The following HDAC10 variants were observed in gnomAD, a reference collection of about 807,000 sequenced individuals.
HDAC10 encodes the protein histone deacetylase 10.
In HDAC10, 90 loss-of-function variants were observed where a neutral mutation model predicts 82.3. The ratio of observed to expected loss-of-function variants is 1.09; its 90% CI spans 0.92 to 1.30. The LOEUF (loss-of-function observed/expected upper bound fraction) is 1.30. Among genes scored for constraint, HDAC10 ranks in the 50% most tolerant of loss-of-function variants. The probability of loss-of-function intolerance (pLI) is 0.00; values close to 1 mark genes in which losing one functional copy is unlikely to be tolerated. For missense variants in HDAC10, 934 were observed against 876.3 expected (o/e 1.07, Z -0.83); for synonymous variants, 456 against 391.7 (o/e 1.16, Z -1.94).
In HDAC10 at chr22:50,249,008, C is replaced by T; in HGVS notation, c.756+95G>A. On this transcript the variant is annotated intron_variant, in intron 8 of 19. Coordinates refer to ENST00000216271, the MANE Select transcript of HDAC10 (RefSeq NM_032019.6). This position sits in a 1 kb window ranked among gnomAD's most constrained non-coding sequence, Gnocchi z 4.4. The stretch of plus-strand genomic sequence containing the variant: ...CTTCCCCAGCCACACAGGAGTGGGA[C>T]AGCTCATAACCCTCCTCCTGCCTTC... The T allele has an allele frequency of 7.0e-7, 1 of 1,429,836 alleles. No individual in the cohort carries two copies. The highest frequency in any genetic ancestry group is 9.7e-7 in the Non-Finnish European group (1 of 1,034,950). 88.6% of individuals were successfully genotyped at this position (1,429,836 alleles called of 1,614,324 possible). A position where few individuals can be genotyped will look rare whatever the true frequency, so the allele number is the denominator to read the frequency against.
At position 50,246,674 on chromosome 22, in the gene HDAC10, C is replaced by A; in HGVS notation, c.1571+5G>T. ...CTGGACATATGCAAGACCTGAGAGT[C>A]CTACCCGTCATGGGCGAGGTCTGGA... On this transcript the variant is annotated splice_donor_5th_base_variant and intron_variant, in intron 16 of 19. Coordinates refer to ENST00000216271, the MANE Select transcript of HDAC10 (RefSeq NM_032019.6). 1 of 1,611,176 alleles carries A rather than the reference C, an allele frequency of 6.2e-7. No individual in the cohort carries two copies. Among genetic ancestry groups the A allele is most frequent in the African/African-American group, 1.3e-5 (1 of 74,984 alleles).
chr22:50,250,662 G>C, intron 2 of HDAC10, 109 bp downstream of exon 2: 1 of 1,347,354 alleles, frequency 7.4e-7, no homozygotes, highest in Non-Finnish European at 1.0e-6. Flanking sequence ...GGTGCATAGG[G>C]AGAGGCTCTG....
chr22:50,246,286 A>C lies in HDAC10; in HGVS notation c.1650+12T>G. ...CCCAGCACCTGCCTTGCCGCGTGGCATGGTCACTCACCACTGGCAGTGGCG... is the reference window on the plus strand; with the variant it reads ...CCCAGCACCTGCCTTGCCGCGTGGCCTGGTCACTCACCACTGGCAGTGGCG... On this transcript the variant is annotated intron_variant, in intron 17 of 19. Coordinates refer to ENST00000216271, the MANE Select transcript of HDAC10 (RefSeq NM_032019.6). The C allele has an allele frequency of 1.2e-6, 2 of 1,611,092 alleles. No individual in the cohort carries two copies. The highest frequency in any genetic ancestry group is 3.3e-5 in the Admixed American group (2 of 60,012).
In HDAC10 at chr22:50,246,326, A is replaced by C; in HGVS notation, c.1622T>G (p.Met541Arg). 1.2e-6 allele frequency: 2 copies of C among 1,613,126 alleles called. No homozygotes were observed. Among genetic ancestry groups the C allele is most frequent in the Non-Finnish European group, 1.7e-6 (2 of 1,179,958 alleles). Residue 541 changes from methionine to arginine, a missense_variant, in exon 17 of 20, where the codon ATG (methionine) becomes AGG (arginine). Met to Arg is a moderately conservative substitution (Grantham distance 91). Transcript: ENST00000216271. The part of the protein sequence containing the change: ...IRGKEAAALS[M>R]FHVSTPLPVM... ...TGGCAGTGGCGTGGAGACATGGAACATGGATAGGGCAGCCGCCTCCTTGCC... is the reference window on the plus strand; with the variant it reads ...TGGCAGTGGCGTGGAGACATGGAACCTGGATAGGGCAGCCGCCTCCTTGCC...
Position 50,247,908 on chromosome 22 carries a change from TC to T in HDAC10, c.1318del (p.Glu440ArgfsTer28). The T allele has an allele frequency of 6.2e-7, 1 of 1,612,632 alleles. No homozygotes were observed. Among genetic ancestry groups the T allele is most frequent in the Non-Finnish European group, 8.5e-7 (1 of 1,179,906 alleles). ...TGCCCACCTGGCCCAGGCTTCTGTC[TC>T]CTCCCTCAGGGCTGACGCTTCCTGT... ...IQQEASALRE[E>X]TEAWARPHES... On this transcript the variant is annotated frameshift_variant, in exon 13 of 20. Coordinates refer to ENST00000216271, the MANE Select transcript of HDAC10 (RefSeq NM_032019.6). LOFTEE classifies it high-confidence loss of function.
At chr22:50,247,319 G>C (rs188919653) in intron 14 of HDAC10, 1 of 302,188 alleles carries the variant, frequency 3.3e-6, no homozygotes, top group South Asian at 7.3e-5. Context: ...TTTTTGTGAA[G>C]ACAGGGTCTC....
In HDAC10 at chr22:50,250,080, A is replaced by G. The variant is rs956856467; in HGVS notation, c.372T>C (p.Asn124=). 6.1e-5 allele frequency: 98 copies of G among 1,612,612 alleles called. No homozygotes were observed. Among genetic ancestry groups the G allele is most frequent in the Non-Finnish European group, 7.8e-5 (92 of 1,179,926 alleles). ...GCTCTCACCTCACCAGGGCAAGCCC[A>G]TTTTGCACAGCTCCAGTGAGCACAG... ...VDAVLTGAVQ[N]GLALVRPPGH... The change falls in exon 4 of 20, where the codon AAT becomes AAC. Residue 124 remains asparagine (N), a synonymous_variant. Transcript: ENST00000216271.
At position 50,249,089 on chromosome 22, in the gene HDAC10, C is replaced by G; in HGVS notation, c.756+14G>C. 1 of 1,588,558 alleles carries G rather than the reference C, an allele frequency of 6.3e-7. No individual in the cohort carries two copies. On this transcript the variant is annotated intron_variant, in intron 8 of 19. Transcript: ENST00000216271. This position sits in a 1 kb window ranked among gnomAD's most constrained non-coding sequence, Gnocchi z 4.4. ...CCCACCCGGCTGCCCTGGGGGAGCCCTCCGTGCAGTCACCTCAAAGGCCAG... is the reference window on the plus strand; with the variant it reads ...CCCACCCGGCTGCCCTGGGGGAGCCGTCCGTGCAGTCACCTCAAAGGCCAG...
chr22:50,249,286 G>C lies in HDAC10; in HGVS notation c.690+42C>G. On this transcript the variant is annotated intron_variant, in intron 7 of 19. Coordinates refer to ENST00000216271, the MANE Select transcript of HDAC10 (RefSeq NM_032019.6). The surrounding 1 kb of genome is among the most constrained non-coding windows in gnomAD (Gnocchi z 4.4). ...CTGTGGGGGAGGGGAGGGGCCCAGGGGGAGGGGGCTGGGTGGGGACCTGGG... is the reference window on the plus strand; with the variant it reads ...CTGTGGGGGAGGGGAGGGGCCCAGGCGGAGGGGGCTGGGTGGGGACCTGGG... 1 of 1,515,722 alleles carries C rather than the reference G, an allele frequency of 6.6e-7. No individual in the cohort carries two copies. The highest frequency in any genetic ancestry group is 8.9e-7 in the Non-Finnish European group (1 of 1,125,576). The allele number at this position is 1,515,722 out of a possible 1,614,324, so 93.9% of individuals were successfully genotyped here. A position where few individuals can be genotyped will look rare whatever the true frequency, so the allele number is the denominator to read the frequency against.
intron 15 of HDAC10, 34 bp from the exon 16 acceptor site, chr22:50,246,769 A>C (rs752439029): frequency 6.2e-7 from 1 of 1,611,712 alleles, no homozygotes; most frequent in Non-Finnish European, 8.5e-7. Flanking sequence ...ACAGGTGTTC[A>C]TGTTGTCCAG....
Position 50,248,001 on chromosome 22 carries a change from G to GGGCAAC in HDAC10, c.1225_1226insGTTGCC (p.Ser409delinsCysCysPro). On this transcript the variant is annotated protein_altering_variant, in exon 13 of 20. Coordinates refer to ENST00000216271, the MANE Select transcript of HDAC10 (RefSeq NM_032019.6). The surrounding 1 kb of genome is among the most constrained non-coding windows in gnomAD (Gnocchi z 5.4). ...TGTCAGGGCAACAGCGGTGCGGACA[G>GGGCAAC]AGGGTGCGGGGCAGAGGCACGGCTG... 6.2e-7 allele frequency: 1 copy of GGGCAAC among 1,612,852 alleles called. No homozygotes were observed. The highest frequency in any genetic ancestry group is 8.5e-7 in the Non-Finnish European group (1 of 1,179,968).
rs931644082 is a variant in HDAC10 at position 50,249,579 on chromosome 22, C to G, written c.563+56G>C. On this transcript the variant is annotated intron_variant, in intron 6 of 19. Coordinates refer to ENST00000216271, the MANE Select transcript of HDAC10 (RefSeq NM_032019.6). This position sits in a 1 kb window ranked among gnomAD's most constrained non-coding sequence, Gnocchi z 4.4. The stretch of plus-strand genomic sequence containing the variant: ...CACCCCTGGATTTTCCCAGGCCAGG[C>G]TGTGCACCCAAAAACTGGGGCTGCA... 3.7e-6 allele frequency: 6 copies of G among 1,609,650 alleles called. No individual in the cohort carries two copies. In the East Asian group the frequency reaches 1.1e-4, roughly 30 times the overall value.
chr22:50,246,342 C>T lies in HDAC10; in HGVS notation c.1606G>A (p.Ala536Thr), dbSNP rs138168321. Residue 536 changes from alanine (A) to threonine (T), a missense_variant, in exon 17 of 20, where the codon GCG (alanine) becomes ACG (threonine). By Grantham distance (58) the Ala-to-Thr change is moderately conservative. Transcript: ENST00000216271. ...SLWLNIRGKE[A>T]AALSMFHVST... ...ACATGGAACATGGATAGGGCAGCCG[C>T]CTCCTTGCCCCTGATGTTCAGCCAC... is the stretch of plus-strand genomic sequence containing the variant. 4.9e-5 allele frequency: 79 copies of T among 1,612,936 alleles called. 1 individual carries two copies. In the African/African-American group the frequency reaches 8.1e-4, roughly 17 times the overall value.
chr22:50,248,021 C>T lies in HDAC10; in HGVS notation c.1206G>A (p.Pro402=), dbSNP rs1033481311. The part of the protein sequence containing the change: ...ASAPSSLLDQ[P]CLCPAPSVRT... Reference sequence around the variant, plus strand: ...GGACAGAGGGTGCGGGGCAGAGGCACGGCTGGTCCAGGAGGGAGCTCGGTG... The same window carrying T: ...GGACAGAGGGTGCGGGGCAGAGGCATGGCTGGTCCAGGAGGGAGCTCGGTG... Residue 402 remains proline (P), a synonymous_variant, in exon 13 of 20, where the codon CCG becomes CCA. Coordinates refer to ENST00000216271, the MANE Select transcript of HDAC10 (RefSeq NM_032019.6). This position sits in a 1 kb window ranked among gnomAD's most constrained non-coding sequence, Gnocchi z 5.4. The T allele has an allele frequency of 1.6e-5, 26 of 1,612,628 alleles. No individual in the cohort carries two copies. Among genetic ancestry groups the T allele is most frequent in the Non-Finnish European group, 2.2e-5 (26 of 1,179,886 alleles).
At chr22:50,246,214 T>G in intron 17 of HDAC10, 84 bp downstream of exon 17, 1 of 1,524,494 alleles carries the variant, frequency 6.6e-7, no homozygotes, top group Non-Finnish European at 9.0e-7. Context: ...AGAGGCCTGC[T>G]ATCATGACAA....
In HDAC10 at chr22:50,247,791, C is replaced by T; in HGVS notation, c.1338-15G>A. ...ACTCGTGTGGCCTGTGGTGGACAGA[C>T]CAGAGGGACACACAGACACGGAGTG... On this transcript the variant is annotated splice_polypyrimidine_tract_variant and intron_variant, in intron 13 of 19. Transcript: ENST00000216271. 6.2e-7 allele frequency: 1 copy of T among 1,612,856 alleles called. No homozygotes were observed. The highest frequency in any genetic ancestry group is 2.2e-5 in the East Asian group (1 of 44,878).
At chr22:50,250,549 A>G (rs1195772036) in intron 2 of HDAC10, 26 bp from the exon 3 acceptor site, 2 of 1,514,596 alleles carry the variant, frequency 1.3e-6, no homozygotes, top group African/African-American at 2.8e-5. Context: ...CAGGCAGGAG[A>G]GGCAGGGTCA....
In HDAC10 at chr22:50,251,196, G is replaced by T. The variant is rs2065083599; in HGVS notation, c.-164C>A. 1.6e-6 allele frequency: 1 copy of T among 644,790 alleles called. No individual in the cohort carries two copies. The highest frequency in any genetic ancestry group is 2.6e-6 in the Non-Finnish European group (1 of 387,552). 39.9% of individuals were successfully genotyped at this position (644,790 alleles called of 1,614,324 possible). A position where few individuals can be genotyped will look rare whatever the true frequency, so the allele number is the denominator to read the frequency against. Reference sequence around the variant, plus strand: ...GCGGGAGCGCACAGAACCTAGGCAGGCTCCGGGATCCCAGGCGCGCAGAAG... The same window carrying T: ...GCGGGAGCGCACAGAACCTAGGCAGTCTCCGGGATCCCAGGCGCGCAGAAG... On this transcript the variant is annotated 5_prime_UTR_variant, in exon 1 of 20. Transcript: ENST00000216271.
chr22:50,248,840 C>A lies in HDAC10; in HGVS notation c.807G>T (p.Gly269=). The A allele has an allele frequency of 6.2e-7, 1 of 1,611,062 alleles. No individual in the cohort carries two copies. The highest frequency in any genetic ancestry group is 8.5e-7 in the Non-Finnish European group (1 of 1,179,234). ...LVSAGFDSAI[G]DPEGQMQATP... is the part of the protein sequence containing the mutation. ...AAGGCAAGGCCCTCACCTCAGGGTC[C>A]CCGATGGCTGAGTCAAATCCTGCCG... Residue 269 remains glycine (G), a synonymous_variant, in exon 9 of 20, where the codon GGG becomes GGT. Transcript: ENST00000216271. The surrounding 1 kb of genome is among the most constrained non-coding windows in gnomAD (Gnocchi z 5.4).
Sources: gnomAD v4.1 joint callset for allele counts on GRCh38, gnomAD v4.1.1 for gene constraint, Gnocchi (gnomAD v3.1) non-coding constraint, MANE v1.5 for transcripts, NCBI Gene and HGNC (gene_info 2026-07-23, HGNC 2026-07-21) for gene names.